MAP4: variants seen among roughly 807,000 people sequenced by gnomAD.
MAP4 encodes microtubule associated protein 4, also known as microtubule-associated protein 4.
A neutral mutation model predicts 170.2 loss-of-function variants in MAP4; 76 were observed. That is an observed-to-expected ratio of 0.45 (90% CI 0.37 to 0.54). The LOEUF (loss-of-function observed/expected upper bound fraction) is 0.54. MAP4 is among the 20% of genes least tolerant of loss of function. The pLI, the probability that MAP4 is intolerant of heterozygous loss-of-function variation, is 0.00. For missense variants in MAP4, 2,506 were observed against 2,748.0 expected (o/e 0.91, Z 1.97); for synonymous variants, 909 against 994.5 (o/e 0.91, Z 1.62).
chr3:48,019,893 A>G (rs1176612643), upstream of MAP4, among the ~76,000 whole-genome samples: 1 of 152,204 alleles, frequency 6.6e-6, no homozygotes, highest in East Asian at 1.9e-4. Flanking sequence ...AATAGATAAC[A>G]AAAGAAAAAC....
chr3:48,059,895 G>A (rs1385898811), intron 1 of MAP4, among the ~76,000 whole-genome samples: 12 of 151,650 alleles, frequency 7.9e-5, no homozygotes, highest in Non-Finnish European at 1.8e-4. Context: ...CAGGAGAATT[G>A]CTTGAACCTG....
chr3:48,021,156 A>G (rs2100110352), upstream of MAP4, among the ~76,000 whole-genome samples: 1 of 152,168 alleles, frequency 6.6e-6, no homozygotes, highest in Non-Finnish European at 1.5e-5. Flanking sequence ...GAAAGACATC[A>G]CACTCCCCCT....
In MAP4 at chr3:48,079,744, A is replaced by G. The variant is rs372910278; in HGVS notation, c.-20+9029T>C. ...GGCGGGCGGATCAAGAGGTCAGGAG[A>G]TCGAGAGCATCCTGGCTAACAAAGT... On this transcript the variant is annotated intron_variant, in intron 1 of 18. Coordinates refer to the MAP4 transcript ENST00000360240. Among the ~76,000 whole-genome samples, 190 of 152,178 alleles carry G rather than the reference A, an allele frequency of 1.2e-3. 4 individuals carry two copies. The South Asian group carries it at 0.039, about 31-fold the overall frequency.
chr3:48,075,484 G>A (rs1209279487), intron 1 of MAP4, among the ~76,000 whole-genome samples: 5 of 151,874 alleles, frequency 3.3e-5, no homozygotes, highest in Admixed American at 2.0e-4. Flanking sequence ...CTGCGATCAC[G>A]CCACTGCACT....
chr3:47,920,610 GGC>G, intron 5 of MAP4, among the ~76,000 whole-genome samples: 1 of 151,072 alleles, frequency 6.6e-6, no homozygotes, highest in East Asian at 2.0e-4. Context: ...GGAGTACAGT[GGC>G]ATGATCATGG....
intron 9 of MAP4, among the ~76,000 whole-genome samples, chr3:47,905,979 A>C (rs1218725978): frequency 6.6e-6 from 1 of 152,040 alleles, no homozygotes; most frequent in African/African-American, 2.4e-5. Context: ...GGGCAACAAG[A>C]GTGAAACTCC....
rs539623673 is a variant in MAP4, at chr3:47,997,435, A to T, written c.223+1203T>A. ...ATGAATGAAAATAAAAATACAACAT[A>T]TCAAAATCCATGGGACACAGCTAAA... On this transcript the variant is annotated intron_variant, in intron 2 of 20. Coordinates refer to ENST00000683076, the MANE Select transcript of MAP4 (RefSeq NM_001385682.1). Among the ~76,000 whole-genome samples the T allele has an allele frequency of 2.6e-5, 4 of 151,742 alleles. No individual in the cohort carries two copies. In the South Asian group the frequency reaches 8.3e-4, roughly 32 times the overall value.
At chr3:48,028,670 G>A (rs1383870031) in intron 1 of MAP4, among the ~76,000 whole-genome samples, 1 of 151,944 alleles carries the variant, frequency 6.6e-6, no homozygotes, top group Non-Finnish European at 1.5e-5. Context: ...TTACTCAGGA[G>A]GCTGAGGCAG....
intron 3 of MAP4, among the ~76,000 whole-genome samples, chr3:47,941,220 C>CAAAAAAAAAA (rs745693695): frequency 2.2e-5 from 1 of 45,836 alleles, no homozygotes; most frequent in Non-Finnish European, 4.1e-5. Flanking sequence ...CTATCTCTAC[C>CAAAAAAAAAA]AAAAAAAAAA....
At chr3:48,050,364 T>C (rs1327377033) in intron 1 of MAP4, among the ~76,000 whole-genome samples, 1 of 151,716 alleles carries the variant, frequency 6.6e-6, no homozygotes, top group African/African-American at 2.4e-5. Context: ...ATATACTAAG[T>C]GCTCTCACAA....
At chr3:47,887,696 T>TCTTTATATC (rs2097847462) in intron 10 of MAP4, among the ~76,000 whole-genome samples, 1 of 152,130 alleles carries the variant, frequency 6.6e-6, no homozygotes, top group Non-Finnish European at 1.5e-5. Context: ...ACGTGGAGAG[T>TCTTTATATC]CTTTATATCT....
At chr3:47,998,535 C>G (rs2100097292) in intron 2 of MAP4, 103 bp downstream of exon 2, 1 of 889,436 alleles carries the variant, frequency 1.1e-6, no homozygotes. Flanking sequence ...CTAGCCTACA[C>G]TAAAAAAACT....
At chr3:47,880,918 C>T (rs1327287320) in intron 10 of MAP4, among the ~76,000 whole-genome samples, 2 of 152,214 alleles carry the variant, frequency 1.3e-5, no homozygotes, top group African/African-American at 2.4e-5. Flanking sequence ...GGCACTGTTA[C>T]ATCTTTACTA....
intron 10 of MAP4, among the ~76,000 whole-genome samples, chr3:47,886,447 C>CA (rs1245786788): frequency 2.0e-5 from 3 of 152,202 alleles, no homozygotes; most frequent in Admixed American, 6.5e-5. Context: ...ACTATAGGTA[C>CA]ATGCCACTAT....
chr3:47,979,234 G>C (rs1408762073), intron 2 of MAP4, among the ~76,000 whole-genome samples: 1 of 135,452 alleles, frequency 7.4e-6, no homozygotes, highest in East Asian at 2.1e-4. Context: ...CTAATAATTA[G>C]GTGATTAGGT....
chr3:47,882,827 G>C (rs319692), intron 10 of MAP4, among the ~76,000 whole-genome samples: 54,965 of 151,358 alleles, frequency 0.36, 10,759 homozygotes, highest in African/African-American at 0.51. Flanking sequence ...TTTTTTTAAA[G>C]ACAGAGTCTC....
chr3:47,910,094 G>C lies in MAP4; in HGVS notation c.4327C>G (p.Leu1443Val), dbSNP rs763159535. 7.4e-6 allele frequency: 12 copies of C among 1,613,870 alleles called. No individual in the cohort carries two copies. The South Asian group carries it at 1.1e-4, about 15-fold the overall frequency. The change falls in exon 9 of 21, where the codon CTG becomes GTG. Residue 1443 changes from leucine (L) to valine (V), a missense_variant. By Grantham distance (32) the Leu-to-Val change is conservative. Around this residue, in one of 3 missense-constraint regions of MAP4, gnomAD observed 2,008 missense variants for 2,206.0 expected, o/e 0.91. Transcript: ENST00000683076. ...EVLESAACEK[L>V]PTPTPQVVKE... ...ACTACTTGAGGAGTAGGAGTGGGCA[G>C]TTTTTCACAGGCTGCTGATTCCAGA...
intron 1 of MAP4, among the ~76,000 whole-genome samples, chr3:48,051,505 C>A (rs1478614635): frequency 6.6e-6 from 1 of 152,160 alleles, no homozygotes; most frequent in Non-Finnish European, 1.5e-5. Flanking sequence ...TCTTAAATTT[C>A]TTTGAAATAA....
intron 1 of MAP4, among the ~76,000 whole-genome samples, chr3:48,040,172 A>G (rs952945609): frequency 1.3e-5 from 2 of 152,254 alleles, no homozygotes; most frequent in African/African-American, 4.8e-5. Flanking sequence ...TAAAGCCTTC[A>G]TAAGAACATT....
Sources: allele counts gnomAD v4.1 joint callset (sites outside exome capture counted in the v4.1 genomes callset), GRCh38; gene constraint gnomAD v4.1.1; regional missense constraint gnomAD v4.1.1; transcripts MANE v1.5; gene names NCBI Gene and HGNC (gene_info 2026-07-23, HGNC 2026-07-21).